Variants in NAB1 observed in about 807,000 individuals in gnomAD.
The protein encoded by NAB1 is NGFI-A-binding protein 1.
A neutral mutation model predicts 49.9 loss-of-function variants in NAB1; 25 were observed. The ratio of observed to expected loss-of-function variants is 0.50; its 90% CI spans 0.37 to 0.70. The LOEUF is 0.70. NAB1 is among the 30% of genes least tolerant of loss of function. The pLI is 0.00. For missense variants in NAB1, 489 were observed against 575.9 expected (o/e 0.85, Z 1.54); for synonymous variants, 198 against 215.6 (o/e 0.92, Z 0.71).
In NAB1 at chr2:190,649,204, A is replaced by C. The variant is rs1693511676; in HGVS notation, c.-490A>C. The C allele has an allele frequency of 1.3e-5, 2 of 150,550 alleles. No homozygotes were observed. Among genetic ancestry groups the C allele is most frequent in the Non-Finnish European group, 3.0e-5 (2 of 67,422 alleles). The allele number at this position is 150,550 out of a possible 1,614,324, so 9.3% of individuals were successfully genotyped here. The stretch of plus-strand genomic sequence containing the variant: ...GCCCGAGGTGGGGGGGAGCAGAGAG[A>C]GCGCGCCCACCACCTTCCCTTCCCC... On this transcript the variant is annotated 5_prime_UTR_variant, in exon 1 of 10. Coordinates refer to ENST00000337386, the MANE Select transcript of NAB1 (RefSeq NM_005966.4). The surrounding 1 kb of genome is among the most constrained non-coding windows in gnomAD (Gnocchi z 6.1).
intron 5 of NAB1, among the ~76,000 whole-genome samples, chr2:190,671,668 G>A (rs544706084): frequency 5.3e-5 from 8 of 151,674 alleles, no homozygotes; most frequent in Non-Finnish European, 7.4e-5. Flanking sequence ...GAAACTCAAC[G>A]GTTCCTGTGC....
chr2:190,671,277 T>C (rs1169549333), intron 5 of NAB1, among the ~76,000 whole-genome samples: 1 of 152,216 alleles, frequency 6.6e-6, no homozygotes, highest in Non-Finnish European at 1.5e-5. Context: ...ATCTGAACTT[T>C]CACAAGCATC....
At chr2:190,687,613 A>C (rs541072322) in intron 9 of NAB1, among the ~76,000 whole-genome samples, 1 of 152,248 alleles carries the variant, frequency 6.6e-6, no homozygotes, top group Non-Finnish European at 1.5e-5. Context: ...AATCCATAGC[A>C]CTTCCTGGTC....
chr2:190,686,173 G>A lies in NAB1; in HGVS notation c.1258+535G>A, dbSNP rs1051667630. Among the ~76,000 whole-genome samples, 1 of 152,114 alleles carries A rather than the reference G, an allele frequency of 6.6e-6. No homozygotes were observed. Among genetic ancestry groups the A allele is most frequent in the African/African-American group, 2.4e-5 (1 of 41,410 alleles). On this transcript the variant is annotated intron_variant, in intron 8 of 9. Transcript: ENST00000337386. This position sits in a 1 kb window ranked among gnomAD's most constrained non-coding sequence, Gnocchi z 5.5. Reference sequence around the variant, plus strand: ...CATCCTCACATAAAGAAAATCCCAAGTCATTGTTATTCACCCAACCAACAG... The same window carrying A: ...CATCCTCACATAAAGAAAATCCCAAATCATTGTTATTCACCCAACCAACAG...
At chr2:190,687,128 G>C in intron 8 of NAB1, 73 bp from the exon 9 acceptor site, 1 of 949,646 alleles carries the variant, frequency 1.1e-6, no homozygotes, top group Non-Finnish European at 1.5e-6. Context: ...GGAGTGTTCA[G>C]GCAAAATTTA....
rs1002340734 is a variant in NAB1, at chr2:190,664,058, C to T, written c.819+4063C>T. Among the ~76,000 whole-genome samples the T allele has an allele frequency of 7.2e-5, 11 of 152,214 alleles. No homozygotes were observed. In the South Asian group the frequency reaches 1.4e-3, roughly 20 times the overall value. ...TGTTTTTTACGTTTGGAAACGATATCTTAAGCAGTTGTTAGTAGAGTGTTC... is the reference window on the plus strand; with the variant it reads ...TGTTTTTTACGTTTGGAAACGATATTTTAAGCAGTTGTTAGTAGAGTGTTC... On this transcript the variant is annotated intron_variant, in intron 4 of 9. Transcript: ENST00000337386.
rs1694334050 is a variant in NAB1, at chr2:190,663,581, G to T, written c.819+3586G>T. On this transcript the variant is annotated intron_variant, in intron 4 of 9. Coordinates refer to ENST00000337386, the MANE Select transcript of NAB1 (RefSeq NM_005966.4). The surrounding 1 kb of genome is among the most constrained non-coding windows in gnomAD (Gnocchi z 4.2). ...TACTCTCTGGCCTTTTACAGAAAAA[G>T]CTTGCCAACCTCTGATCTTTTTGAA... Among the ~76,000 whole-genome samples the T allele has an allele frequency of 6.6e-6, 1 of 152,154 alleles. No individual in the cohort carries two copies. The highest frequency in any genetic ancestry group is 1.5e-5 in the Non-Finnish European group (1 of 68,036).
Position 190,680,740 on chromosome 2 carries a change from A to G in NAB1, c.1006-2998A>G, listed in dbSNP as rs1183403019. Among the ~76,000 whole-genome samples, 1 of 152,164 alleles carries G rather than the reference A, an allele frequency of 6.6e-6. No homozygotes were observed. Among genetic ancestry groups the G allele is most frequent in the African/African-American group, 2.4e-5 (1 of 41,434 alleles). The stretch of plus-strand genomic sequence containing the variant: ...TAAATGTTGAGTTCTTCCTTCTCTA[A>G]GATGTCTGTACTTTGTAATTGTCCA... On this transcript the variant is annotated intron_variant, in intron 6 of 9. Coordinates refer to ENST00000337386, the MANE Select transcript of NAB1 (RefSeq NM_005966.4). This position sits in a 1 kb window ranked among gnomAD's most constrained non-coding sequence, Gnocchi z 5.2.
chr2:190,649,076 T>TGCC (rs1285410657), upstream of NAB1: 121 of 131,638 alleles, frequency 9.2e-4, 2 homozygotes, highest in African/African-American at 2.2e-3. The surrounding 1 kb of genome is among the most constrained non-coding windows in gnomAD (Gnocchi z 6.1). Context: ...GGGGAGGCGC[T>TGCC]GCCGCCGCCG....
Position 190,679,352 on chromosome 2 carries a change from ATAAT to A in NAB1, c.1006-4385_1006-4382del, listed in dbSNP as rs562352331. ...TGAACTGTCAAGACTGTAGGAGTAA[ATAAT>A]GACTAATGTGCTCAGTTGCAGAGAG... On this transcript the variant is annotated intron_variant, in intron 6 of 9. Transcript: ENST00000337386. This position sits in a 1 kb window ranked among gnomAD's most constrained non-coding sequence, Gnocchi z 5.3. Among the ~76,000 whole-genome samples the A allele has an allele frequency of 6.6e-6, 1 of 152,244 alleles. No homozygotes were observed. Among genetic ancestry groups the A allele is most frequent in the Non-Finnish European group, 1.5e-5 (1 of 68,050 alleles).
At chr2:190,681,077 C>G (rs1409955765) in intron 6 of NAB1, among the ~76,000 whole-genome samples, 3 of 152,066 alleles carry the variant, frequency 2.0e-5, no homozygotes, top group Non-Finnish European at 4.4e-5. Context: ...GCCCGTCCAG[C>G]TTATGAAAAA....
rs1438189580 is a variant in NAB1 at position 190,675,184 on chromosome 2, G to A, written c.1005+2032G>A. ...AAAGAAAGCACAGAAACTACCCAGG[G>A]GCCAAAAAATTAGTTGCTAGGCTAG... is the stretch of plus-strand genomic sequence containing the variant. On this transcript the variant is annotated intron_variant, in intron 6 of 9. Coordinates refer to ENST00000337386, the MANE Select transcript of NAB1 (RefSeq NM_005966.4). This position sits in a 1 kb window ranked among gnomAD's most constrained non-coding sequence, Gnocchi z 5.2. 6.6e-6 allele frequency among the ~76,000 whole-genome samples: 1 copy of A among 152,054 alleles called. No homozygotes were observed. Among genetic ancestry groups the A allele is most frequent in the African/African-American group, 2.4e-5 (1 of 41,386 alleles).
In NAB1 at chr2:190,679,399, A is replaced by G. The variant is rs566020151; in HGVS notation, c.1006-4339A>G. Among the ~76,000 whole-genome samples, 2 of 152,292 alleles carry G rather than the reference A, an allele frequency of 1.3e-5. No homozygotes were observed. The highest frequency in any genetic ancestry group is 2.1e-4 in the South Asian group (1 of 4,822). ...GCAGAGAGATCACTGATTACTTTGG[A>G]TAATTGTTATTTATTACTTATTTTA... On this transcript the variant is annotated intron_variant, in intron 6 of 9. Coordinates refer to ENST00000337386, the MANE Select transcript of NAB1 (RefSeq NM_005966.4). The surrounding 1 kb of genome is among the most constrained non-coding windows in gnomAD (Gnocchi z 5.3).
Position 190,676,964 on chromosome 2 carries a change from A to G in NAB1, c.1005+3812A>G, listed in dbSNP as rs1230525462. The G allele has an allele frequency of 2.6e-5, 4 of 152,238 alleles. No homozygotes were observed. Among genetic ancestry groups the G allele is most frequent in the Non-Finnish European group, 5.9e-5 (4 of 68,036 alleles). 9.4% of individuals were successfully genotyped at this position (152,238 alleles called of 1,614,324 possible). ...TCAAAATAATTTGACATGTAAAGGA[A>G]AGAGAAACATTTTTTTGCTTGTCAT... On this transcript the variant is annotated intron_variant, in intron 6 of 9. Transcript: ENST00000337386. The surrounding 1 kb of genome is among the most constrained non-coding windows in gnomAD (Gnocchi z 4.6).
At position 190,664,586 on chromosome 2, in the gene NAB1, C is replaced by CTTTTTTT. The variant is rs71027237; in HGVS notation, c.819+4613_819+4619dup. Among the ~76,000 whole-genome samples the CTTTTTTT allele has an allele frequency of 1.1e-3, 66 of 61,156 alleles. 6 individuals carry two copies. Among genetic ancestry groups the CTTTTTTT allele is most frequent in the East Asian group, 2.1e-3 (4 of 1,900 alleles). 40.1% of individuals were successfully genotyped at this position (61,156 alleles called of 152,430 possible). ...TCTTCCTCTCTTTCTTTCTTCTTTCCTTTTTTTTTTTTTTTTTTTTTTTTT... is the reference window on the plus strand; with the variant it reads ...TCTTCCTCTCTTTCTTTCTTCTTTCCTTTTTTTTTTTTTTTTTTTTTTTTTTTTTTTT... On this transcript the variant is annotated intron_variant, in intron 4 of 9. Transcript: ENST00000337386.
intron 9 of NAB1, among the ~76,000 whole-genome samples, chr2:190,688,212 C>T (rs1695716510): frequency 6.6e-6 from 1 of 152,164 alleles, no homozygotes; most frequent in Admixed American, 6.5e-5. Flanking sequence ...TCCAAATTTG[C>T]ATTGTAAGTC....
chr2:190,675,029 G>C lies in NAB1; in HGVS notation c.1005+1877G>C, dbSNP rs1211835447. On this transcript the variant is annotated intron_variant, in intron 6 of 9. Transcript: ENST00000337386. This position sits in a 1 kb window ranked among gnomAD's most constrained non-coding sequence, Gnocchi z 5.2. ...TAACTAGTGAGATGTTTTATCTCTTGCTCCCCCAGATAACAGGTAACAGAG... is the reference window on the plus strand; with the variant it reads ...TAACTAGTGAGATGTTTTATCTCTTCCTCCCCCAGATAACAGGTAACAGAG... 6.6e-6 allele frequency among the ~76,000 whole-genome samples: 1 copy of C among 152,194 alleles called. No homozygotes were observed. The highest frequency in any genetic ancestry group is 1.5e-5 in the Non-Finnish European group (1 of 68,034).
chr2:190,671,933 GC>G (rs1469131528), intron 5 of NAB1, among the ~76,000 whole-genome samples: 3 of 151,768 alleles, frequency 2.0e-5, no homozygotes, highest in Non-Finnish European at 4.4e-5. Flanking sequence ...GCACCACCAT[GC>G]CCAGCTAATT....
intron 3 of NAB1, 92 bp downstream of exon 3, chr2:190,656,245 GGA>G (rs1399085025): frequency 2.0e-5 from 3 of 152,186 alleles, no homozygotes; most frequent in Middle Eastern, 3.2e-3. Flanking sequence ...ACTTCAGATT[GGA>G]GAGAGGCAGG....
Sources: gnomAD v4.1 joint callset for allele counts (sites outside exome capture counted in the v4.1 genomes callset) on GRCh38, gnomAD v4.1.1 for gene constraint, Gnocchi (gnomAD v3.1) non-coding constraint, MANE v1.5 for transcripts, NCBI Gene and HGNC (gene_info 2026-07-23, HGNC 2026-07-21) for gene names.